FBXO36: variants seen among roughly 807,000 people sequenced by gnomAD.
FBXO36 encodes the protein F-box protein 36, also known as F-box only protein 36.
Under a neutral mutation model 17.0 loss-of-function variants are expected in FBXO36, and 18 were observed. The ratio of observed to expected loss-of-function variants is 1.06; its 90% CI spans 0.73 to 1.57. FBXO36 has a LOEUF of 1.57. Ranked by LOEUF, FBXO36 falls within the 40% of genes most tolerant of loss-of-function variation. FBXO36 has a pLI of 0.00. For synonymous variants in FBXO36, 83 were observed against 85.3 expected (o/e 0.97, Z 0.15); for missense variants, 229 against 221.9 (o/e 1.03, Z -0.20).
chr2:229,978,899 G>C (rs548495401), intron 2 of FBXO36, among the ~76,000 whole-genome samples: 1 of 152,038 alleles, frequency 6.6e-6, no homozygotes, highest in African/African-American at 2.4e-5. Context: ...TATTTAGGCC[G>C]AGCACAGTGG....
chr2:229,938,483 C>CT (rs111952762), intron 1 of FBXO36, among the ~76,000 whole-genome samples: 5,268 of 93,948 alleles, frequency 0.056, 243 homozygotes, highest in African/African-American at 0.13. Flanking sequence ...ATACAACTTT[C>CT]TTTTTTTTTT....
chr2:229,945,054 T>A (rs1299992614), intron 1 of FBXO36: 1 of 152,058 alleles, frequency 6.6e-6, no homozygotes, highest in Non-Finnish European at 1.5e-5. Context: ...AAGAAAGAAT[T>A]TAAGGTAAAT....
rs1161188534 is a variant in FBXO36 at position 229,958,257 on chromosome 2, C to CTTTTTTTTT, written c.97-17965_97-17957dup. Among the ~76,000 whole-genome samples the CTTTTTTTTT allele has an allele frequency of 2.8e-4, 22 of 78,692 alleles. 2 individuals are homozygous for CTTTTTTTTT. The highest frequency in any genetic ancestry group is 4.8e-4 in the African/African-American group (9 of 18,932). 51.6% of individuals were successfully genotyped at this position (78,692 alleles called of 152,430 possible). On this transcript the variant is annotated intron_variant, in intron 1 of 3. Transcript: ENST00000283946. ...ATTGTTTACAGAGAGCTCTGACTTT[C>CTTTTTTTTT]TTTTTTTTTTTTTTTTTTTTTTTTT...
chr2:229,956,477 C>T (rs2077088193), intron 1 of FBXO36, among the ~76,000 whole-genome samples: 1 of 152,158 alleles, frequency 6.6e-6, no homozygotes, highest in Non-Finnish European at 1.5e-5. Context: ...AGCTTATATG[C>T]TCTCATCACA....
intron 3 of FBXO36, among the ~76,000 whole-genome samples, chr2:230,002,568 G>C (rs771310784): frequency 1.4e-4 from 22 of 151,976 alleles, no homozygotes; most frequent in Non-Finnish European, 2.5e-4. Context: ...ATTTTTTGTA[G>C]AGACAGGGTT....
chr2:229,971,080 G>A (rs2077177681), intron 1 of FBXO36, among the ~76,000 whole-genome samples: 1 of 152,168 alleles, frequency 6.6e-6, no homozygotes, highest in Admixed American at 6.5e-5. Context: ...ATGGCCAGGT[G>A]AGGCGGCTCA....
Position 230,012,406 on chromosome 2 carries a change from A to C in FBXO36, c.*1522A>C, listed in dbSNP as rs2077420242. On this transcript the variant is annotated 3_prime_UTR_variant, in exon 4 of 4. Transcript: ENST00000283946. ...AGCCCTCTCTGCTTCTCATTGCTGG[A>C]GGTACACACAGTCAAAAGTTTTCCG... The C allele has an allele frequency of 6.8e-6, 1 of 146,912 alleles. No individual in the cohort carries two copies. The highest frequency in any genetic ancestry group is 1.5e-5 in the Non-Finnish European group (1 of 64,800). The allele number at this position is 146,912 out of a possible 1,614,324, so 9.1% of individuals were successfully genotyped here.
chr2:229,987,231 C>T (rs550902739), intron 2 of FBXO36, among the ~76,000 whole-genome samples: 3 of 149,972 alleles, frequency 2.0e-5, no homozygotes, highest in African/African-American at 2.5e-5. Context: ...AAAAAAAGAA[C>T]GTTACAGAGA....
At chr2:229,925,599 T>A (rs1398044666) in intron 1 of FBXO36, among the ~76,000 whole-genome samples, 1 of 152,216 alleles carries the variant, frequency 6.6e-6, no homozygotes, top group Non-Finnish European at 1.5e-5. Context: ...CAGATTTAGA[T>A]GAATCCTTCT....
Position 229,938,370 on chromosome 2 carries a change from C to T in FBXO36, c.96+15761C>T, listed in dbSNP as rs61390335. Among the ~76,000 whole-genome samples, 733 of 130,326 alleles carry T rather than the reference C, an allele frequency of 5.6e-3. 9 individuals carry two copies. Among genetic ancestry groups the T allele is most frequent in the African/African-American group, 0.021 (715 of 33,672 alleles). The allele number at this position is 130,326 out of a possible 152,430, so 85.5% of individuals were successfully genotyped here. ...CCGAGTAGCTGGGACTACAGGCACC[C>T]GCCATCATGCCCGGCTAATTTTTGT... On this transcript the variant is annotated intron_variant, in intron 1 of 3. Transcript: ENST00000283946.
intron 3 of FBXO36, among the ~76,000 whole-genome samples, chr2:230,009,628 G>T (rs1446103552): frequency 2.0e-5 from 3 of 152,184 alleles, no homozygotes; most frequent in African/African-American, 7.2e-5. Context: ...AAGATGGGGT[G>T]ATGGTAGAGG....
At chr2:229,947,909 G>A (rs1166026415) in intron 1 of FBXO36, among the ~76,000 whole-genome samples, 2 of 152,202 alleles carry the variant, frequency 1.3e-5, no homozygotes, top group African/African-American at 4.8e-5. Flanking sequence ...TCAACATCAA[G>A]AGTGAAGATA....
intron 1 of FBXO36, among the ~76,000 whole-genome samples, chr2:229,962,412 C>T (rs1467751863): frequency 1.3e-5 from 2 of 151,768 alleles, no homozygotes; most frequent in Non-Finnish European, 2.9e-5. Flanking sequence ...CTCACTGCAG[C>T]CTCAAACTCT....
intron 2 of FBXO36, among the ~76,000 whole-genome samples, chr2:229,977,613 G>A (rs1271412620): frequency 9.2e-5 from 14 of 151,828 alleles, no homozygotes; most frequent in Non-Finnish European, 2.1e-4. Flanking sequence ...ACCACGCCAG[G>A]CTAATTTTGT....
At chr2:229,955,410 G>C (rs1280421849) in intron 1 of FBXO36, among the ~76,000 whole-genome samples, 3 of 152,046 alleles carry the variant, frequency 2.0e-5, no homozygotes, top group Non-Finnish European at 2.9e-5. Flanking sequence ...CAGCTACTTG[G>C]GAGGCTGAGG....
chr2:229,953,334 C>A (rs1243266257), intron 1 of FBXO36, among the ~76,000 whole-genome samples: 1 of 148,900 alleles, frequency 6.7e-6, no homozygotes, highest in Non-Finnish European at 1.5e-5. Context: ...GTGAGACTCT[C>A]AAAAAATTAA....
At position 229,992,367 on chromosome 2, in the gene FBXO36, G is replaced by A. The variant is rs142000090; in HGVS notation, c.206-4384G>A. On this transcript the variant is annotated intron_variant, in intron 2 of 3. Coordinates refer to ENST00000283946, the MANE Select transcript of FBXO36 (RefSeq NM_174899.5). ...GAGATGATGTTTCACCATGTTGACC[G>A]GGCTGGTCTCGAACTCCTGACCCCA... Among the ~76,000 whole-genome samples the A allele has an allele frequency of 4.1e-3, 628 of 151,922 alleles. 5 individuals carry two copies. The highest frequency in any genetic ancestry group is 0.014 in the African/African-American group (581 of 41,422).
intron 1 of FBXO36, chr2:229,973,168 A>C (rs1160751179): frequency 6.6e-6 from 1 of 152,060 alleles, no homozygotes; most frequent in Non-Finnish European, 1.5e-5. Context: ...AAGGCTTATG[A>C]TAGCTATTGC....
At chr2:229,976,117 A>G in intron 1 of FBXO36, 124 bp from the exon 2 acceptor site, 1 of 615,550 alleles carries the variant, frequency 1.6e-6, no homozygotes, top group East Asian at 2.8e-5. Flanking sequence ...ATGTGATGCC[A>G]GACTGCAAAG....
Sources: gnomAD v4.1 joint callset for allele counts (sites outside exome capture counted in the v4.1 genomes callset) on GRCh38, gnomAD v4.1.1 for gene constraint, MANE v1.5 for transcripts, NCBI Gene and HGNC (gene_info 2026-07-23, HGNC 2026-07-21) for gene names.